Variants in DCC observed in about 807,000 individuals in gnomAD.
The protein encoded by DCC is netrin receptor DCC.
Under a neutral mutation model 172.5 loss-of-function variants are expected in DCC, and 58 were observed. The ratio of observed to expected loss-of-function variants is 0.34; its 90% CI spans 0.27 to 0.42. The LOEUF is 0.42. Among genes scored for constraint, DCC ranks in the 10% least tolerant of loss-of-function variants. The probability of loss-of-function intolerance (pLI) is 1.00; values close to 1 mark genes in which losing one functional copy is unlikely to be tolerated. For missense variants in DCC, 1,740 were observed against 1,791.0 expected (o/e 0.97, Z 0.51); for synonymous variants, 709 against 644.5 (o/e 1.10, Z -1.52).
chr18:53,057,886 TG>T (rs1407771497), intron 5 of DCC, among the ~76,000 whole-genome samples: 1 of 151,942 alleles, frequency 6.6e-6, no homozygotes, highest in East Asian at 1.9e-4. Flanking sequence ...TTAATCTGGT[TG>T]GTAAATAGTG....
intron 2 of DCC, among the ~76,000 whole-genome samples, chr18:52,758,235 AT>A (rs2037106593): frequency 1.3e-5 from 2 of 152,236 alleles, no homozygotes; most frequent in South Asian, 4.1e-4. Flanking sequence ...AAATAAGCTC[AT>A]AAATAATGAT....
chr18:53,151,638 T>TA (rs1245172146), intron 7 of DCC, among the ~76,000 whole-genome samples: 1 of 150,134 alleles, frequency 6.7e-6, no homozygotes, highest in Non-Finnish European at 1.5e-5. Context: ...ATCTGGCAAT[T>TA]AAAAACAAAT....
At chr18:52,767,458 A>G (rs2037272133) in intron 2 of DCC, among the ~76,000 whole-genome samples, 1 of 152,224 alleles carries the variant, frequency 6.6e-6, no homozygotes, top group South Asian at 2.1e-4. Flanking sequence ...AATGGTCATT[A>G]CAGACATAAA....
intron 3 of DCC, among the ~76,000 whole-genome samples, chr18:52,911,986 A>G (rs1756369645): frequency 6.6e-6 from 1 of 151,928 alleles, no homozygotes; most frequent in African/African-American, 2.4e-5. Context: ...ATGGCATGAA[A>G]AGGTCTGCAT....
chr18:52,530,508 C>T (rs1476807907), intron 1 of DCC, among the ~76,000 whole-genome samples: 3 of 152,102 alleles, frequency 2.0e-5, no homozygotes, highest in African/African-American at 4.8e-5. Context: ...GTTGCAGAGC[C>T]ATAAAGAAAA....
intron 5 of DCC, among the ~76,000 whole-genome samples, chr18:52,929,995 T>C (rs2040282403): frequency 6.6e-6 from 1 of 152,206 alleles, no homozygotes; most frequent in Non-Finnish European, 1.5e-5. Flanking sequence ...CTAATTTTTT[T>C]TTCTTTTTGA....
intron 2 of DCC, among the ~76,000 whole-genome samples, chr18:52,852,935 T>C (rs1370122014): frequency 6.6e-6 from 1 of 152,202 alleles, no homozygotes; most frequent in Non-Finnish European, 1.5e-5. Flanking sequence ...TAAGTGATTA[T>C]AGAAATGAGT....
chr18:53,188,304 G>A, intron 9 of DCC, among the ~76,000 whole-genome samples: 1 of 152,076 alleles, frequency 6.6e-6, no homozygotes, highest in African/African-American at 2.4e-5. Flanking sequence ...CCTAAACAAT[G>A]GGCTTACAAT....
At chr18:52,472,106 AC>A (rs1283714594) in intron 1 of DCC, among the ~76,000 whole-genome samples, 1 of 152,150 alleles carries the variant, frequency 6.6e-6, no homozygotes, top group East Asian at 1.9e-4. Context: ...CATGCCATGC[AC>A]CCTGAGTGCA....
intron 2 of DCC, among the ~76,000 whole-genome samples, chr18:52,795,325 T>A (rs1169369472): frequency 6.6e-6 from 1 of 151,238 alleles, no homozygotes; most frequent in South Asian, 2.2e-4. Context: ...TTTGTTAGGT[T>A]TTCTATTTCT....
chr18:53,297,986 G>T (rs566725326), intron 12 of DCC, among the ~76,000 whole-genome samples: 1 of 152,208 alleles, frequency 6.6e-6, no homozygotes, highest in African/African-American at 2.4e-5. Context: ...TTTCACTCCT[G>T]GTGTGTTGAG....
intron 5 of DCC, among the ~76,000 whole-genome samples, chr18:52,955,654 C>T (rs995483741): frequency 1.3e-5 from 2 of 152,084 alleles, no homozygotes; most frequent in African/African-American, 4.8e-5. Flanking sequence ...CACCATTTTG[C>T]ATTCCCACCA....
At chr18:53,275,109 C>A (rs1240527402) in intron 12 of DCC, among the ~76,000 whole-genome samples, 1 of 151,964 alleles carries the variant, frequency 6.6e-6, no homozygotes, top group Non-Finnish European at 1.5e-5. Flanking sequence ...GAGGAATGCA[C>A]AGAGATTAAA....
intron 22 of DCC, among the ~76,000 whole-genome samples, chr18:53,448,944 G>A (rs557129541): frequency 4.5e-4 from 68 of 152,272 alleles, no homozygotes; most frequent in South Asian, 1.2e-3. Flanking sequence ...TTATTATTGC[G>A]TTAGTCATGT....
At chr18:53,527,180 A>G (rs1321250915) in intron 28 of DCC, among the ~76,000 whole-genome samples, 2 of 129,294 alleles carry the variant, frequency 1.5e-5, no homozygotes, top group Non-Finnish European at 3.2e-5. Context: ...TTGGAAATAA[A>G]TAAGACTATA....
chr18:52,415,651 C>A (rs1031011708), intron 1 of DCC, among the ~76,000 whole-genome samples: 1 of 152,060 alleles, frequency 6.6e-6, no homozygotes, highest in African/African-American at 2.4e-5. Context: ...ATTAGGGAGG[C>A]TGTACGGTGC....
At chr18:52,578,446 C>A (rs575407326) in intron 1 of DCC, among the ~76,000 whole-genome samples, 107 of 152,134 alleles carry the variant, frequency 7.0e-4, no homozygotes, top group South Asian at 3.1e-3. Context: ...TTTCCATAAC[C>A]CTTGATAGAC....
chr18:53,491,409 T>C (rs903269613), intron 26 of DCC, among the ~76,000 whole-genome samples: 2 of 152,196 alleles, frequency 1.3e-5, no homozygotes, highest in Non-Finnish European at 2.9e-5. Flanking sequence ...ATGTGCAGAA[T>C]GTACAGGTTT....
chr18:52,874,734 A>G (rs2039376561), intron 2 of DCC, among the ~76,000 whole-genome samples: 1 of 152,166 alleles, frequency 6.6e-6, no homozygotes, highest in South Asian at 2.1e-4. Flanking sequence ...GAGACAGAGG[A>G]AAGGCTCAGG....
Sources: gnomAD v4.1 joint callset for allele counts (sites outside exome capture counted in the v4.1 genomes callset) on GRCh38, gnomAD v4.1.1 for gene constraint, MANE v1.5 for transcripts, NCBI Gene and HGNC (gene_info 2026-07-23, HGNC 2026-07-21) for gene names.